USP34: variants seen among roughly 807,000 people sequenced by gnomAD.
USP34 encodes ubiquitin carboxyl-terminal hydrolase 34.
In USP34, 70 loss-of-function variants were observed where a neutral mutation model predicts 460.3. The observed-to-expected ratio is 0.15, with a 90% CI of 0.13 to 0.19. The LOEUF (loss-of-function observed/expected upper bound fraction) is 0.19. Ranked by LOEUF, USP34 falls within the 10% of genes least tolerant of loss-of-function variation. The pLI is 1.00. For synonymous variants in USP34, 1,647 were observed against 1,405.3 expected (o/e 1.17, Z -3.85); for missense variants, 3,985 against 4,236.2 (o/e 0.94, Z 1.65).
intron 20 of USP34, among the ~76,000 whole-genome samples, chr2:61,329,456 T>C (rs940715069): frequency 2.0e-5 from 3 of 152,140 alleles, no homozygotes; most frequent in African/African-American, 7.2e-5. Context: ...TAATATAATT[T>C]TAAAATAATA....
intron 41 of USP34, chr2:61,277,633 T>A (rs1183870641): frequency 3.3e-5 from 5 of 152,436 alleles, no homozygotes; most frequent in African/African-American, 9.6e-5. Flanking sequence ...ATTCAATTTA[T>A]TCAAAATTTG....
intron 1 of USP34, among the ~76,000 whole-genome samples, chr2:61,422,161 T>C (rs1226080227): frequency 2.0e-5 from 3 of 152,118 alleles, no homozygotes; most frequent in East Asian, 1.9e-4. Context: ...TAAGATATAG[T>C]TGGGGCCTAA....
At chr2:61,386,963 A>C (rs185180369) in intron 5 of USP34, among the ~76,000 whole-genome samples, 2 of 152,330 alleles carry the variant, frequency 1.3e-5, no homozygotes, top group Admixed American at 6.5e-5. Flanking sequence ...ACGAGAGTGG[A>C]AGATATTGGC....
chr2:61,454,938 G>A (rs1187994043), intron 1 of USP34, among the ~76,000 whole-genome samples: 1 of 148,534 alleles, frequency 6.7e-6, no homozygotes, highest in Non-Finnish European at 1.5e-5. Context: ...ATGGAGTGCA[G>A]TGGTGCCATC....
rs1302093390 is a variant in USP34, at chr2:61,257,346, C to G, written c.5849G>C (p.Ser1950Thr). 1 of 1,581,022 alleles carries G rather than the reference C, an allele frequency of 6.3e-7. No individual in the cohort carries two copies. Among genetic ancestry groups the G allele is most frequent in the African/African-American group, 1.4e-5 (1 of 73,740 alleles). ...TCTAGGATTATATGCTTTGCATTCA[C>G]TCTCCTGCAAATAAAAAGGGGAACA... ...LQKMFTYLME[S>T]ECKAYNPRPF... The change falls in exon 45 of 80, where the codon AGT becomes ACT. Residue 1950 changes from serine to threonine, a missense_variant. Transcript: ENST00000398571.
At chr2:61,295,729 C>T (rs1338246377) in intron 30 of USP34, among the ~76,000 whole-genome samples, 1 of 152,188 alleles carries the variant, frequency 6.6e-6, no homozygotes, top group East Asian at 1.9e-4. Flanking sequence ...GTAATTCACA[C>T]TTAATGTGCA....
intron 48 of USP34, among the ~76,000 whole-genome samples, chr2:61,253,673 A>T (rs893001489): frequency 1.3e-5 from 2 of 151,984 alleles, no homozygotes; most frequent in Non-Finnish European, 2.9e-5. Flanking sequence ...TCTTTCATCT[A>T]GAAAAATCCT....
At chr2:61,233,975 G>C (rs1253558706) in intron 57 of USP34, among the ~76,000 whole-genome samples, 1 of 152,088 alleles carries the variant, frequency 6.6e-6, no homozygotes, top group Admixed American at 6.6e-5. Context: ...ATGGATGCAT[G>C]ATCTATTTAG....
intron 20 of USP34, among the ~76,000 whole-genome samples, chr2:61,325,808 A>G (rs910043913): frequency 5.9e-5 from 9 of 152,318 alleles, no homozygotes; most frequent in African/African-American, 2.2e-4. Flanking sequence ...TCTATCTAAA[A>G]AGTACATACT....
chr2:61,358,193 AAAAT>A (rs75593990), intron 10 of USP34, among the ~76,000 whole-genome samples: 48,661 of 148,432 alleles, frequency 0.33, 8,106 homozygotes, highest in South Asian at 0.38. Flanking sequence ...GATTCCATCT[AAAAT>A]AAATAAATAA....
intron 34 of USP34, among the ~76,000 whole-genome samples, chr2:61,285,226 T>C (rs915862484): frequency 1.3e-5 from 2 of 152,116 alleles, no homozygotes; most frequent in African/African-American, 2.4e-5. Flanking sequence ...CTCACTGTAA[T>C]TGCTGTAATC....
chr2:61,420,384 T>C (rs184674832), intron 2 of USP34, among the ~76,000 whole-genome samples: 3 of 152,314 alleles, frequency 2.0e-5, no homozygotes, highest in Admixed American at 2.0e-4. Flanking sequence ...AGATATTAAG[T>C]GGCTTAAAAG....
At chr2:61,403,380 TTC>T (rs1232801324) in intron 3 of USP34, among the ~76,000 whole-genome samples, 2 of 152,242 alleles carry the variant, frequency 1.3e-5, no homozygotes, top group African/African-American at 2.4e-5. Flanking sequence ...TGGAAAAAAT[TTC>T]TGTGAATTTC....
intron 2 of USP34, chr2:61,416,968 T>C: frequency 7.7e-7 from 1 of 1,294,590 alleles, no homozygotes. Context: ...GAGCCGCTTC[T>C]CAGCCACCAT....
At chr2:61,470,622 C>G (rs778489488) in intron 1 of USP34, 28 bp downstream of exon 1, 29 of 1,556,914 alleles carry the variant, frequency 1.9e-5, no homozygotes, top group Non-Finnish European at 2.5e-5. Context: ...ACCGTGCACC[C>G]CGACAGGCCG....
At chr2:61,458,119 T>TA (rs1332798235) in intron 1 of USP34, among the ~76,000 whole-genome samples, 1 of 151,996 alleles carries the variant, frequency 6.6e-6, no homozygotes, top group African/African-American at 2.4e-5. Flanking sequence ...TCTCATAGAA[T>TA]AAAAAAATTA....
chr2:61,460,861 T>C (rs1433264975), intron 1 of USP34, among the ~76,000 whole-genome samples: 1 of 151,566 alleles, frequency 6.6e-6, no homozygotes, highest in Non-Finnish European at 1.5e-5. Context: ...CGCACGCCTG[T>C]AGTCCCAGGT....
At chr2:61,397,190 C>T (rs893040894) in intron 3 of USP34, among the ~76,000 whole-genome samples, 1 of 152,220 alleles carries the variant, frequency 6.6e-6, no homozygotes, top group African/African-American at 2.4e-5. Context: ...CATATGTAAT[C>T]CCAGCACTTT....
chr2:61,379,466 G>C (rs1692908082), intron 7 of USP34, among the ~76,000 whole-genome samples: 1 of 152,142 alleles, frequency 6.6e-6, no homozygotes, highest in Non-Finnish European at 1.5e-5. Context: ...GTTGCAGTAA[G>C]CCGAGATCAT....
Sources: allele counts gnomAD v4.1 joint callset (sites outside exome capture counted in the v4.1 genomes callset), GRCh38; gene constraint gnomAD v4.1.1; transcripts MANE v1.5; gene names NCBI Gene and HGNC (gene_info 2026-07-23, HGNC 2026-07-21).